ANO3: variants seen among roughly 807,000 people sequenced by gnomAD.
ANO3 encodes the protein anoctamin 3, also known as anoctamin-3.
Under a neutral mutation model 144.8 loss-of-function variants are expected in ANO3, and 99 were observed. That is an observed-to-expected ratio of 0.68 (90% confidence interval 0.58 to 0.81). The LOEUF is 0.81. Among genes scored for constraint, ANO3 ranks in the 30% least tolerant of loss-of-function variants. The pLI is 0.00. For missense variants in ANO3, 905 were observed against 1,202.2 expected (o/e 0.75, Z 3.66); for synonymous variants, 414 against 392.6 (o/e 1.05, Z -0.64).
chr11:26,337,371 T>C (rs1439027005), intron 1 of ANO3, among the ~76,000 whole-genome samples: 2 of 152,236 alleles, frequency 1.3e-5, no homozygotes, highest in Non-Finnish European at 2.9e-5. Flanking sequence ...AAATGAATTC[T>C]ATCTGAAGTA....
intron 1 of ANO3, among the ~76,000 whole-genome samples, chr11:26,205,856 G>A (rs199988410): frequency 3.3e-5 from 5 of 152,056 alleles, no homozygotes; most frequent in African/African-American, 4.8e-5. Flanking sequence ...TTTTTATACC[G>A]GCACATGTTA....
intron 15 of ANO3, 100 bp from the exon 16 acceptor site, chr11:26,598,758 A>C (rs2132926378): frequency 8.1e-7 from 1 of 1,231,418 alleles, no homozygotes; most frequent in Non-Finnish European, 1.1e-6. Context: ...AAGACTTAAT[A>C]CAAAAGTAGG....
At chr11:26,491,725 G>A (rs188788143) in intron 4 of ANO3, among the ~76,000 whole-genome samples, 22 of 152,136 alleles carry the variant, frequency 1.4e-4, no homozygotes, top group African/African-American at 5.1e-4. Flanking sequence ...CTTCCCATAC[G>A]CACAAGGAAA....
At chr11:26,457,762 T>G (rs1859224153) in intron 3 of ANO3, among the ~76,000 whole-genome samples, 1 of 152,148 alleles carries the variant, frequency 6.6e-6, no homozygotes, top group African/African-American at 2.4e-5. Context: ...GTGATTTTAT[T>G]GAGCTTTGAG....
At chr11:26,375,594 C>A (rs75776399) in intron 1 of ANO3, among the ~76,000 whole-genome samples, 28 of 152,158 alleles carry the variant, frequency 1.8e-4, no homozygotes, top group African/African-American at 6.3e-4. Flanking sequence ...AATTTTCTCC[C>A]GATCTTCTGT....
chr11:26,448,199 T>G (rs961639345), intron 3 of ANO3, among the ~76,000 whole-genome samples: 3 of 150,656 alleles, frequency 2.0e-5, no homozygotes, highest in Non-Finnish European at 4.4e-5. Flanking sequence ...CTAGGGAGGC[T>G]GAGGCAGGAG....
intron 1 of ANO3, among the ~76,000 whole-genome samples, chr11:26,368,626 A>T (rs1365604025): frequency 6.6e-6 from 1 of 151,746 alleles, no homozygotes; most frequent in African/African-American, 2.4e-5. Flanking sequence ...AGAGACAGAG[A>T]GACAGAGGAA....
intron 1 of ANO3, among the ~76,000 whole-genome samples, chr11:26,319,055 T>C (rs959565789): frequency 6.6e-6 from 1 of 152,142 alleles, no homozygotes; most frequent in East Asian, 1.9e-4. Context: ...CGGCTCACTG[T>C]AGCCTCAAGC....
intron 1 of ANO3, among the ~76,000 whole-genome samples, chr11:26,284,778 C>A (rs1853763386): frequency 6.6e-6 from 1 of 151,834 alleles, no homozygotes; most frequent in South Asian, 2.1e-4. Flanking sequence ...TGCTGGCGGG[C>A]GCCTGTAGTC....
At position 26,598,845 on chromosome 11, in the gene ANO3, G is replaced by A. The variant is rs377630135; in HGVS notation, c.1531-13G>A. On this transcript the variant is annotated splice_polypyrimidine_tract_variant and intron_variant, in intron 15 of 26. Coordinates refer to ENST00000256737, the MANE Select transcript of ANO3 (RefSeq NM_031418.4). ...TGGCTTTGATATTTAGATAACTTTC[G>A]TTTCTCTCATAGGAAACACTTCGTC... is the stretch of plus-strand genomic sequence containing the variant. 101 of 1,605,212 alleles carry A rather than the reference G, an allele frequency of 6.3e-5. 1 individual carries two copies. The Middle Eastern group carries it at 8.3e-4, about 13-fold the overall frequency.
At chr11:26,545,399 A>G (rs1849760396) in intron 11 of ANO3, among the ~76,000 whole-genome samples, 1 of 152,034 alleles carries the variant, frequency 6.6e-6, no homozygotes, top group African/African-American at 2.4e-5. Flanking sequence ...GGTTTTTCCC[A>G]TTTTAAAAAT....
chr11:26,372,434 T>C (rs559714835), intron 1 of ANO3, among the ~76,000 whole-genome samples: 2 of 152,328 alleles, frequency 1.3e-5, no homozygotes, highest in African/African-American at 2.4e-5. Flanking sequence ...GTCCATTTCA[T>C]AATGAAAAGT....
chr11:26,206,009 T>G (rs1206935769), intron 1 of ANO3, among the ~76,000 whole-genome samples: 1 of 152,216 alleles, frequency 6.6e-6, no homozygotes, highest in Non-Finnish European at 1.5e-5. Flanking sequence ...CTTTAAGTTT[T>G]TATTGAATAT....
intron 17 of ANO3, among the ~76,000 whole-genome samples, chr11:26,618,613 C>T (rs569080095): frequency 6.6e-6 from 1 of 152,270 alleles, no homozygotes; most frequent in Admixed American, 6.5e-5. Context: ...ATTCTTTAGC[C>T]TGGCCTGTGA....
intron 24 of ANO3, among the ~76,000 whole-genome samples, chr11:26,648,075 AT>A (rs1853406844): frequency 6.6e-6 from 1 of 152,182 alleles, no homozygotes; most frequent in East Asian, 1.9e-4. Flanking sequence ...TTGGAAATGC[AT>A]CACAAGTATC....
intron 1 of ANO3, among the ~76,000 whole-genome samples, chr11:26,407,447 T>C (rs1366378321): frequency 6.6e-6 from 1 of 151,808 alleles, no homozygotes; most frequent in Non-Finnish European, 1.5e-5. Context: ...ATATTTAGTA[T>C]TAAATGAATA....
intron 26 of ANO3, among the ~76,000 whole-genome samples, chr11:26,656,695 A>C (rs886716621): frequency 6.6e-6 from 1 of 152,154 alleles, no homozygotes; most frequent in South Asian, 2.1e-4. Context: ...CCAGGAAATC[A>C]GCGTTAATAA....
At chr11:26,345,303 C>G (rs1370813336) in intron 1 of ANO3, among the ~76,000 whole-genome samples, 1 of 152,150 alleles carries the variant, frequency 6.6e-6, no homozygotes, top group African/African-American at 2.4e-5. Flanking sequence ...GCCTGTAATC[C>G]CAGCACTTTG....
chr11:26,476,472 T>C (rs376006024), intron 4 of ANO3, among the ~76,000 whole-genome samples: 4 of 152,082 alleles, frequency 2.6e-5, no homozygotes, highest in African/African-American at 9.6e-5. Flanking sequence ...GCTATGTGCT[T>C]ATATGGCAAA....
Sources: allele counts gnomAD v4.1 joint callset (sites outside exome capture counted in the v4.1 genomes callset), GRCh38; gene constraint gnomAD v4.1.1; transcripts MANE v1.5; gene names NCBI Gene and HGNC (gene_info 2026-07-23, HGNC 2026-07-21).